DCAF10: variants seen among roughly 807,000 people sequenced by gnomAD.
DCAF10 encodes DDB1 and CUL4 associated factor 10.
DCAF10 carries 19 observed loss-of-function variants against 51.9 expected under a neutral mutation model. The ratio of observed to expected loss-of-function variants is 0.37; its 90% CI spans 0.26 to 0.54. The LOEUF is 0.54. DCAF10 is among the 20% of genes least tolerant of loss of function. The probability of loss-of-function intolerance (pLI) is 0.87; values close to 1 mark genes in which losing one functional copy is unlikely to be tolerated. For missense variants in DCAF10, 510 were observed against 730.6 expected (o/e 0.70, Z 3.48); for synonymous variants, 291 against 297.1 (o/e 0.98, Z 0.21).
chr9:37,831,157 C>T (rs1829995551), intron 2 of DCAF10, among the ~76,000 whole-genome samples: 1 of 152,120 alleles, frequency 6.6e-6, no homozygotes, highest in African/African-American at 2.4e-5. Flanking sequence ...GCAGAGGTTG[C>T]AGTGAGCCGA....
At chr9:37,852,833 C>T (rs1459692138) in intron 3 of DCAF10, among the ~76,000 whole-genome samples, 1 of 150,978 alleles carries the variant, frequency 6.6e-6, no homozygotes, top group African/African-American at 2.4e-5. Flanking sequence ...ACATGATGAC[C>T]ACTGTTAATG....
At chr9:37,818,915 T>TGTACA (rs1829625855) in intron 1 of DCAF10, among the ~76,000 whole-genome samples, 6 of 152,230 alleles carry the variant, frequency 3.9e-5, no homozygotes, top group Admixed American at 3.9e-4. Context: ...TTTAAGATAC[T>TGTACA]TTGAATTTCT....
chr9:37,802,297 C>A (rs1292202947), intron 1 of DCAF10, among the ~76,000 whole-genome samples: 1 of 152,146 alleles, frequency 6.6e-6, no homozygotes, highest in African/African-American at 2.4e-5. Context: ...AATGGTTCAA[C>A]TAGATAGTAG....
chr9:37,810,714 G>A (rs925328759), intron 1 of DCAF10, among the ~76,000 whole-genome samples: 2 of 151,994 alleles, frequency 1.3e-5, no homozygotes, highest in African/African-American at 4.8e-5. Flanking sequence ...TGTCTGCCTC[G>A]GCCTCCCAAA....
At chr9:37,851,791 AT>A (rs144515809) in intron 3 of DCAF10, among the ~76,000 whole-genome samples, 28,551 of 147,086 alleles carry the variant, frequency 0.19, 3,086 homozygotes, top group African/African-American at 0.31. Flanking sequence ...CTGTCTCAAA[AT>A]AAATAAATAA....
intron 2 of DCAF10, among the ~76,000 whole-genome samples, chr9:37,821,921 A>AG: frequency 6.6e-6 from 1 of 152,270 alleles, no homozygotes; most frequent in South Asian, 2.1e-4. Context: ...TAAAAAAAAA[A>AG]CAACAATCAA....
At chr9:37,813,037 C>T (rs577412413) in intron 1 of DCAF10, among the ~76,000 whole-genome samples, 6 of 152,164 alleles carry the variant, frequency 3.9e-5, no homozygotes, top group South Asian at 2.1e-4. Context: ...TTTAGGTATT[C>T]GCTAAAAGAA....
chr9:37,817,189 AT>A lies in DCAF10; in HGVS notation c.540-2098del, dbSNP rs549819198. Among the ~76,000 whole-genome samples the A allele has an allele frequency of 9.2e-4, 140 of 152,374 alleles. 1 individual carries two copies. Among genetic ancestry groups the A allele is most frequent in the African/African-American group, 2.4e-3 (99 of 41,586 alleles). Reference sequence around the variant, plus strand: ...AAAGCAATATGTATCTTTTAAAAAAATATGTATATTTTAAAAGATACATATC... The same window carrying A: ...AAAGCAATATGTATCTTTTAAAAAAAATGTATATTTTAAAAGATACATATC... On this transcript the variant is annotated intron_variant, in intron 1 of 6. Coordinates refer to ENST00000377724, the MANE Select transcript of DCAF10 (RefSeq NM_024345.5).
chr9:37,819,583 T>C (rs1464499479), intron 2 of DCAF10, among the ~76,000 whole-genome samples, 182 bp downstream of exon 2: 1 of 152,240 alleles, frequency 6.6e-6, no homozygotes, highest in Non-Finnish European at 1.5e-5. Context: ...CTCTTAGCTA[T>C]GTTGGATTGG....
intron 3 of DCAF10, among the ~76,000 whole-genome samples, chr9:37,844,159 G>A (rs1564043666): frequency 6.6e-6 from 1 of 152,210 alleles, no homozygotes; most frequent in Non-Finnish European, 1.5e-5. Context: ...TTACAAGAAA[G>A]AAGTGAGAAA....
intron 5 of DCAF10, among the ~76,000 whole-genome samples, chr9:37,858,950 T>C (rs1830933037): frequency 6.6e-6 from 1 of 152,198 alleles, no homozygotes. Context: ...ACTTTTGCCA[T>C]CTCCTGAGGA....
At position 37,802,142 on chromosome 9, in the gene DCAF10, G is replaced by C. The variant is rs137875090; in HGVS notation, c.539+737G>C. On this transcript the variant is annotated intron_variant, in intron 1 of 6. Transcript: ENST00000377724. ...TAATTCTTACCCCACCAAGCCTCTC[G>C]GTTGCTAGTTGTTTACTCAGTTGTT... 2.7e-3 allele frequency among the ~76,000 whole-genome samples: 405 copies of C among 152,250 alleles called. 3 individuals carry two copies. The highest frequency in any genetic ancestry group is 9.1e-3 in the African/African-American group (378 of 41,552).
At chr9:37,851,086 A>T (rs2118119514) in intron 3 of DCAF10, among the ~76,000 whole-genome samples, 1 of 151,530 alleles carries the variant, frequency 6.6e-6, no homozygotes, top group Non-Finnish European at 1.5e-5. Flanking sequence ...TGTACTGAAA[A>T]TACAAAGAGT....
intron 1 of DCAF10, among the ~76,000 whole-genome samples, chr9:37,814,080 CTATATATATA>C (rs58660288): frequency 0.016 from 763 of 47,058 alleles, 14 homozygotes; most frequent in African/African-American, 0.029. Context: ...CTATTTGTCA[CTATATATATA>C]TATATATATA....
At position 37,842,184 on chromosome 9, in the gene DCAF10, A is replaced by G; in HGVS notation, c.749A>G (p.His250Arg). The change falls in exon 3 of 7, where the codon CAT becomes CGT. Residue 250 changes from histidine (H) to arginine (R), a missense_variant. Coordinates refer to ENST00000377724, the MANE Select transcript of DCAF10 (RefSeq NM_024345.5). ...TTGAACACCAAAGTATGCACTTTAC[A>G]TGGTCACACTAGCTGGGTGAAGAAC... is the stretch of plus-strand genomic sequence containing the variant. ...RKLNTKVCTL[H>R]GHTSWVKNIE... 6.2e-7 allele frequency: 1 copy of G among 1,614,040 alleles called. No homozygotes were observed. Among genetic ancestry groups the G allele is most frequent in the African/African-American group, 1.3e-5 (1 of 75,064 alleles).
At chr9:37,827,075 C>T (rs1181368627) in intron 2 of DCAF10, among the ~76,000 whole-genome samples, 2 of 152,140 alleles carry the variant, frequency 1.3e-5, no homozygotes, top group Non-Finnish European at 2.9e-5. Context: ...ATCCACCTGC[C>T]TTGGTCTCCC....
Position 37,861,327 on chromosome 9 carries a change from T to G in DCAF10, c.1499T>G (p.Phe500Cys). 6.2e-7 allele frequency: 1 copy of G among 1,614,186 alleles called. No individual in the cohort carries two copies. The highest frequency in any genetic ancestry group is 8.5e-7 in the Non-Finnish European group (1 of 1,180,022). Residue 500 changes from phenylalanine (F) to cysteine (C), a missense_variant, in exon 7 of 7, where the codon TTT becomes TGT. By Grantham distance (205) the Phe-to-Cys change is radical. Around this residue, in one of 4 missense-constraint regions of DCAF10, gnomAD observed 104 missense variants for 206.2 expected, o/e 0.50. Coordinates refer to ENST00000377724, the MANE Select transcript of DCAF10 (RefSeq NM_024345.5). This position sits in a 1 kb window ranked among gnomAD's most constrained non-coding sequence, Gnocchi z 4.9. The stretch of plus-strand genomic sequence containing the variant: ...GGCTATGGGATTCGCTTGTTGGGAT[T>G]TGACAAACAGTGCAGTGAACTTGTT... Reference protein sequence around the residue: ...PHGYGIRLLGFDKQCSELVDC... With the variant: ...PHGYGIRLLGCDKQCSELVDC...
rs1198951553 is a variant in DCAF10 at position 37,801,962 on chromosome 9, C to CT, written c.539+562dup. 6.6e-6 allele frequency among the ~76,000 whole-genome samples: 1 copy of CT among 152,180 alleles called. No homozygotes were observed. Among genetic ancestry groups the CT allele is most frequent in the African/African-American group, 2.4e-5 (1 of 41,428 alleles). On this transcript the variant is annotated intron_variant, in intron 1 of 6. Transcript: ENST00000377724. This position sits in a 1 kb window ranked among gnomAD's most constrained non-coding sequence, Gnocchi z 5.5. ...TGAAGTCCCCAGGCTAGACTACAGC[C>CT]TTTTTCTTGGCTGATTAAATATTTA...
intron 1 of DCAF10, among the ~76,000 whole-genome samples, chr9:37,811,096 G>C (rs1484280059): frequency 6.6e-6 from 1 of 152,136 alleles, no homozygotes; most frequent in Non-Finnish European, 1.5e-5. Flanking sequence ...TTGGGAGGCT[G>C]AGGAGGGAAG....
Sources: allele counts gnomAD v4.1 joint callset (sites outside exome capture counted in the v4.1 genomes callset), GRCh38; gene constraint gnomAD v4.1.1; regional missense constraint gnomAD v4.1.1; non-coding constraint Gnocchi (gnomAD v3.1); transcripts MANE v1.5; gene names NCBI Gene and HGNC (gene_info 2026-07-23, HGNC 2026-07-21).